The following ACTR3C variants were observed in gnomAD, a reference collection of about 807,000 sequenced individuals.
ACTR3C encodes actin related protein 3C, also known as actin-related protein 3C.
ACTR3C carries 18 observed loss-of-function variants against 26.3 expected under a neutral mutation model. The observed-to-expected ratio is 0.68, with a 90% CI of 0.47 to 1.01. The LOEUF (loss-of-function observed/expected upper bound fraction) is 1.01. Ranked by LOEUF, ACTR3C falls within the 50% of genes least tolerant of loss-of-function variation. The pLI, the probability that ACTR3C is intolerant of heterozygous loss-of-function variation, is 0.00. For synonymous variants in ACTR3C, 55 were observed against 94.5 expected (o/e 0.58, Z 2.42); for missense variants, 184 against 250.7 (o/e 0.73, Z 1.80).
At chr7:150,063,278 G>T in the ACTR3C span, among the ~76,000 whole-genome samples, 3 of 151,116 alleles carry the variant, frequency 2.0e-5, no homozygotes, top group Non-Finnish European at 2.9e-5. Flanking sequence ...AGGGCTAACA[G>T]TGAACCCCTG....
chr7:150,151,470 A>T, the ACTR3C span, among the ~76,000 whole-genome samples: 5 of 137,596 alleles, frequency 3.6e-5, 2 homozygotes, highest in African/African-American at 1.3e-4. Flanking sequence ...AACTTCGGTT[A>T]TAATGAAACA....
chr7:149,960,962 G>T, the ACTR3C span, among the ~76,000 whole-genome samples: 2 of 152,208 alleles, frequency 1.3e-5, no homozygotes, highest in Admixed American at 6.5e-5. Context: ...TGGGCTCACA[G>T]GAAGTGTATA....
chr7:150,185,108 A>C, the ACTR3C span, among the ~76,000 whole-genome samples: 2 of 125,082 alleles, frequency 1.6e-5, no homozygotes, highest in African/African-American at 5.6e-5. Flanking sequence ...GGATATTATC[A>C]ACTGAGAGGA....
At chr7:149,998,101 C>T in the ACTR3C span, among the ~76,000 whole-genome samples, 3 of 150,806 alleles carry the variant, frequency 2.0e-5, no homozygotes, top group African/African-American at 7.3e-5. Flanking sequence ...TGCAGGCAAA[C>T]TATAGACATC....
chr7:150,020,129 A>G, the ACTR3C span, among the ~76,000 whole-genome samples: 3 of 152,262 alleles, frequency 2.0e-5, 1 homozygote, highest in South Asian at 6.2e-4. Context: ...GGCATTTTAA[A>G]TCACCTTAGT....
chr7:150,048,798 G>A, the ACTR3C span, among the ~76,000 whole-genome samples: 1 of 152,260 alleles, frequency 6.6e-6, no homozygotes, highest in African/African-American at 2.4e-5. Flanking sequence ...GACGACGCTG[G>A]TGAGGAGGCC....
At chr7:149,969,347 C>T in the ACTR3C span, among the ~76,000 whole-genome samples, 1 of 149,822 alleles carries the variant, frequency 6.7e-6, no homozygotes, top group Non-Finnish European at 1.5e-5. Context: ...GCCCCTGTTT[C>T]CCCCAACTCC....
At chr7:150,227,276 T>C in the ACTR3C span, among the ~76,000 whole-genome samples, 1 of 151,470 alleles carries the variant, frequency 6.6e-6, no homozygotes, top group Non-Finnish European at 1.5e-5. Flanking sequence ...CTTTGATCCA[T>C]ATCTTCTCCT....
the ACTR3C span, among the ~76,000 whole-genome samples, chr7:150,050,249 TA>T: frequency 6.2e-4 from 95 of 152,370 alleles, 1 homozygote; most frequent in Admixed American, 5.0e-3. Flanking sequence ...TATGCATGCA[TA>T]TTTTTACACA....
chr7:150,062,443 C>T, the ACTR3C span, among the ~76,000 whole-genome samples: 8 of 141,376 alleles, frequency 5.7e-5, no homozygotes, highest in African/African-American at 2.2e-4. Context: ...GGAGGGACTA[C>T]TTCCATCTCC....
At chr7:150,150,237 C>T in the ACTR3C span, among the ~76,000 whole-genome samples, 51 of 152,302 alleles carry the variant, frequency 3.3e-4, no homozygotes, top group Admixed American at 7.2e-4. Flanking sequence ...CTAGACTGAA[C>T]CCCTGGAATT....
the ACTR3C span, among the ~76,000 whole-genome samples, chr7:150,194,508 A>G: frequency 6.6e-6 from 1 of 150,392 alleles, no homozygotes; most frequent in African/African-American, 2.4e-5. Flanking sequence ...TTCTTTTTTA[A>G]TCCAATCTGA....
At chr7:150,208,863 T>C in the ACTR3C span, among the ~76,000 whole-genome samples, 1 of 152,136 alleles carries the variant, frequency 6.6e-6, no homozygotes, top group Non-Finnish European at 1.5e-5. Context: ...CTTTTAACAT[T>C]AGTGGAGGTG....
the ACTR3C span, among the ~76,000 whole-genome samples, chr7:149,936,097 C>T: frequency 3.3e-5 from 5 of 152,164 alleles, no homozygotes; most frequent in Non-Finnish European, 7.3e-5. Context: ...ATAGTCATTT[C>T]ATCGCCAAGG....
chr7:150,266,047 T>C (rs1834012076), intron 6 of ACTR3C, among the ~76,000 whole-genome samples: 1 of 147,106 alleles, frequency 6.8e-6, no homozygotes, highest in Non-Finnish European at 1.5e-5. Flanking sequence ...ATTAATATTC[T>C]TTAAGGCATT....
At chr7:150,149,548 A>C in the ACTR3C span, among the ~76,000 whole-genome samples, 2 of 123,130 alleles carry the variant, frequency 1.6e-5, no homozygotes, top group African/African-American at 3.2e-5. Flanking sequence ...CCTGTGTCCA[A>C]GTGTTCTCAT....
chr7:150,175,832 A>AG, the ACTR3C span, among the ~76,000 whole-genome samples: 8 of 145,992 alleles, frequency 5.5e-5, no homozygotes, highest in East Asian at 2.0e-4. Flanking sequence ...AAAAAAAAAA[A>AG]AAAGAAAGAA....
the ACTR3C span, among the ~76,000 whole-genome samples, chr7:149,921,296 C>T: frequency 3.9e-5 from 6 of 152,302 alleles, no homozygotes; most frequent in East Asian, 5.8e-4. Context: ...CTTCCATCTT[C>T]TTTCTAATCA....
the ACTR3C span, among the ~76,000 whole-genome samples, chr7:149,936,193 C>T: frequency 3.3e-5 from 5 of 152,068 alleles, no homozygotes; most frequent in South Asian, 8.3e-4. Context: ...GGAAGTGAGT[C>T]GAATGTACAT....
Sources: allele counts gnomAD v4.1 joint callset (sites outside exome capture counted in the v4.1 genomes callset), GRCh38; gene constraint gnomAD v4.1.1; transcripts MANE v1.5; gene names NCBI Gene and HGNC (gene_info 2026-07-23, HGNC 2026-07-21).